Variants in LUZP2 observed in about 807,000 individuals in gnomAD.
LUZP2 encodes leucine zipper protein 2.
In LUZP2, 52 loss-of-function variants were observed where a neutral mutation model predicts 51.6. That is an observed-to-expected ratio of 1.01 (90% confidence interval 0.81 to 1.27). LUZP2 has a LOEUF of 1.27. LUZP2 is among the 50% of genes most tolerant of loss of function. LUZP2 has a pLI of 0.00. For missense variants in LUZP2, 436 were observed against 395.4 expected (o/e 1.10, Z -0.87); for synonymous variants, 154 against 137.3 (o/e 1.12, Z -0.85).
At chr11:24,779,966 G>A (rs1849040644) in intron 5 of LUZP2, among the ~76,000 whole-genome samples, 1 of 152,136 alleles carries the variant, frequency 6.6e-6, no homozygotes, top group Non-Finnish European at 1.5e-5. Flanking sequence ...AGTGGAAGAG[G>A]CAAGGGACAT....
intron 1 of LUZP2, among the ~76,000 whole-genome samples, chr11:24,722,910 T>C (rs1213314213): frequency 1.3e-5 from 2 of 150,426 alleles, no homozygotes; most frequent in African/African-American, 2.4e-5. Context: ...GAGTGAGACC[T>C]CATATTAAAA....
chr11:25,003,800 C>T (rs558013219), intron 9 of LUZP2, among the ~76,000 whole-genome samples: 21 of 152,218 alleles, frequency 1.4e-4, no homozygotes, highest in Admixed American at 9.2e-4. Flanking sequence ...AAATGGGTAA[C>T]TTGTTCCCCA....
intron 5 of LUZP2, among the ~76,000 whole-genome samples, chr11:24,872,645 T>C (rs1439396353): frequency 2.0e-5 from 3 of 152,196 alleles, no homozygotes; most frequent in Admixed American, 6.6e-5. Flanking sequence ...TTTTTTTTAA[T>C]CAAACAGTAA....
intron 9 of LUZP2, among the ~76,000 whole-genome samples, chr11:24,992,502 G>A (rs553153345): frequency 1.3e-5 from 2 of 152,218 alleles, no homozygotes; most frequent in South Asian, 4.1e-4. Flanking sequence ...TAAGCTCCAT[G>A]AAAATAGGCA....
intron 7 of LUZP2, among the ~76,000 whole-genome samples, chr11:24,957,451 A>G (rs1467157141): frequency 2.0e-5 from 3 of 151,908 alleles, no homozygotes; most frequent in East Asian, 1.9e-4. Context: ...GACCTCCAAG[A>G]AAAAAAATCA....
chr11:24,515,695 T>A (rs1056604600), intron 1 of LUZP2, among the ~76,000 whole-genome samples: 1 of 152,042 alleles, frequency 6.6e-6, no homozygotes, highest in African/African-American at 2.4e-5. Flanking sequence ...AGAATAGCAA[T>A]GTGAAAGGTG....
At chr11:24,701,575 T>C (rs1024364278) in intron 1 of LUZP2, 4 of 154,424 alleles carry the variant, frequency 2.6e-5, no homozygotes, top group Admixed American at 6.5e-5. Context: ...ATCTGATTAA[T>C]ATTATACATA....
At chr11:24,844,579 G>C (rs1235092930) in intron 5 of LUZP2, among the ~76,000 whole-genome samples, 1 of 152,154 alleles carries the variant, frequency 6.6e-6, no homozygotes, top group African/African-American at 2.4e-5. Context: ...TAATCCCCAA[G>C]ACAATGAGAA....
intron 1 of LUZP2, among the ~76,000 whole-genome samples, chr11:24,591,031 C>T (rs1160581801): frequency 6.6e-6 from 1 of 152,190 alleles, no homozygotes; most frequent in African/African-American, 2.4e-5. Flanking sequence ...ATCACTTGAA[C>T]CCAGGAGGTT....
chr11:24,551,763 A>G (rs1274987143), intron 1 of LUZP2, among the ~76,000 whole-genome samples: 1 of 152,102 alleles, frequency 6.6e-6, no homozygotes, highest in Non-Finnish European at 1.5e-5. Flanking sequence ...GGTAATAGTA[A>G]CAACAAAATA....
At chr11:24,860,460 TG>T in intron 5 of LUZP2, among the ~76,000 whole-genome samples, 1 of 152,174 alleles carries the variant, frequency 6.6e-6, no homozygotes, top group African/African-American at 2.4e-5. Context: ...CTTCATTAAA[TG>T]GGTCCTGTTC....
chr11:24,740,166 G>A (rs1231460480), intron 4 of LUZP2, among the ~76,000 whole-genome samples: 1 of 152,088 alleles, frequency 6.6e-6, no homozygotes, highest in Non-Finnish European at 1.5e-5. Flanking sequence ...TACATTGTTT[G>A]TTTCTTTACT....
chr11:24,967,438 A>AT (rs1445370471), intron 7 of LUZP2, among the ~76,000 whole-genome samples: 1 of 151,572 alleles, frequency 6.6e-6, no homozygotes, highest in Non-Finnish European at 1.5e-5. Flanking sequence ...TCTTCATTAA[A>AT]TTTTTTCCTA....
chr11:24,572,339 A>T (rs1311706095), intron 1 of LUZP2, among the ~76,000 whole-genome samples: 1 of 152,012 alleles, frequency 6.6e-6, no homozygotes, highest in African/African-American at 2.4e-5. Flanking sequence ...TTTCAATCAT[A>T]TTATATAAGC....
chr11:24,508,602 AT>A (rs1850210398), intron 1 of LUZP2, among the ~76,000 whole-genome samples: 1 of 152,096 alleles, frequency 6.6e-6, no homozygotes, highest in South Asian at 2.1e-4. Flanking sequence ...AATGTGTAGA[AT>A]CAGGCTGACC....
intron 9 of LUZP2, among the ~76,000 whole-genome samples, chr11:25,022,011 A>C (rs1857347678): frequency 6.6e-6 from 1 of 152,006 alleles, no homozygotes; most frequent in African/African-American, 2.4e-5. Context: ...CTTTTGGTTC[A>C]TTAAGGTTAG....
intron 2 of LUZP2, 81 bp downstream of exon 2, chr11:24,729,367 A>G (rs1262140974): frequency 3.0e-6 from 2 of 675,368 alleles, no homozygotes; most frequent in Non-Finnish European, 4.9e-6. Context: ...GCATTTTTAA[A>G]TAGTTTTTAA....
At chr11:25,073,516 G>A (rs2134058279) in intron 10 of LUZP2, among the ~76,000 whole-genome samples, 1 of 152,080 alleles carries the variant, frequency 6.6e-6, no homozygotes, top group African/African-American at 2.4e-5. Flanking sequence ...GCTGCCTCTG[G>A]GACAAGTTAG....
rs1857200204 is a variant in LUZP2 at position 25,017,800 on chromosome 11, T to C, written c.766-32238T>C. Among the ~76,000 whole-genome samples the C allele has an allele frequency of 2.0e-5, 3 of 152,188 alleles. No individual in the cohort carries two copies. In the South Asian group the frequency reaches 6.2e-4, roughly 32 times the overall value. ...TTCCATGTGAATTTTAGGATTGTTT[T>C]TCCTAATCGTGTGAAAAATGATGTG... On this transcript the variant is annotated intron_variant, in intron 9 of 11. Coordinates refer to ENST00000336930, the MANE Select transcript of LUZP2 (RefSeq NM_001009909.4).
Sources: allele counts gnomAD v4.1 joint callset (sites outside exome capture counted in the v4.1 genomes callset), GRCh38; gene constraint gnomAD v4.1.1; transcripts MANE v1.5; gene names NCBI Gene and HGNC (gene_info 2026-07-23, HGNC 2026-07-21).